Variants in BOP1 observed in about 807,000 individuals in gnomAD.
The protein encoded by BOP1 is BOP1 ribosomal biogenesis factor, also known as ribosome biogenesis protein BOP1.
A neutral mutation model predicts 82.9 loss-of-function variants in BOP1; 54 were observed. That is an observed-to-expected ratio of 0.65 (90% CI 0.52 to 0.82). The LOEUF (loss-of-function observed/expected upper bound fraction) is 0.82, where lower values mean the gene tolerates loss of function less well. Among genes scored for constraint, BOP1 ranks in the 40% least tolerant of loss-of-function variants. The pLI is 0.00. For synonymous variants in BOP1, 566 were observed against 451.1 expected (o/e 1.25, Z -3.23); for missense variants, 1,170 against 1,072.0 (o/e 1.09, Z -1.28).
intron 3 of BOP1, chr8:144,266,910 C>G (rs1845383477): frequency 9.1e-6 from 14 of 1,545,940 alleles, no homozygotes; most frequent in Non-Finnish European, 4.3e-6. Context: ...CGGCGCTGCG[C>G]ACGCTGATCC....
At chr8:144,273,199 A>G (rs1365471739) in intron 3 of BOP1, among the ~76,000 whole-genome samples, 2 of 152,186 alleles carry the variant, frequency 1.3e-5, no homozygotes, top group Non-Finnish European at 2.9e-5. Context: ...GGAGGCCGCC[A>G]GCACTGGAGG....
At chr8:144,273,816 G>A (rs2130233739) in intron 3 of BOP1, among the ~76,000 whole-genome samples, 1 of 150,960 alleles carries the variant, frequency 6.6e-6, no homozygotes, top group African/African-American at 2.5e-5. Flanking sequence ...GCCGGCGGCA[G>A]GACCCCAGCC....
chr8:144,264,461 C>CGG, intron 6 of BOP1, 24 bp from the exon 7 acceptor site: 1 of 1,606,474 alleles, frequency 6.2e-7, no homozygotes, highest in Non-Finnish European at 8.5e-7. Context: ...CGGGTCAGGA[C>CGG]GGGCAGTGCG....
intron 2 of BOP1, among the ~76,000 whole-genome samples, chr8:144,288,347 G>A (rs1554839690): frequency 6.6e-6 from 1 of 151,174 alleles, no homozygotes; most frequent in Non-Finnish European, 1.5e-5. Context: ...GGCCAACACG[G>A]CAAAACCCTG....
At position 144,262,511 on chromosome 8, in the gene BOP1, G is replaced by T. The variant is rs889494720; in HGVS notation, c.1980-8C>A. 1.2e-5 allele frequency: 20 copies of T among 1,612,928 alleles called. No homozygotes were observed. Among genetic ancestry groups the T allele is most frequent in the Non-Finnish European group, 1.6e-5 (19 of 1,179,808 alleles). On this transcript the variant is annotated splice_region_variant and splice_polypyrimidine_tract_variant and intron_variant, in intron 14 of 15. Transcript: ENST00000569669. ...AGAGCCTTCTTGTGGTGTCTGGGGG[G>T]AGGGAACCAGGTTGAAGGCAGGCTC...
Position 144,264,910 on chromosome 8 carries a change from C to T in BOP1, c.545+7G>A. The T allele has an allele frequency of 1.2e-6, 2 of 1,611,064 alleles. No individual in the cohort carries two copies. The highest frequency in any genetic ancestry group is 1.7e-6 in the Non-Finnish European group (2 of 1,179,592). ...CCGGCTGCTGGCCCCACCCCACCAGCCCTCACCAGTAGTCAGGATCGTCCA... is the reference window on the plus strand; with the variant it reads ...CCGGCTGCTGGCCCCACCCCACCAGTCCTCACCAGTAGTCAGGATCGTCCA... On this transcript the variant is annotated splice_region_variant and intron_variant, in intron 4 of 15. Transcript: ENST00000569669.
Position 144,273,010 on chromosome 8 carries a change from C to T in BOP1, c.390+3214G>A, listed in dbSNP as rs1018607474. On this transcript the variant is annotated intron_variant, in intron 3 of 15. Transcript: ENST00000569669. The stretch of plus-strand genomic sequence containing the variant: ...TCGGAGGCAGGCATGCAGGCGGCCG[C>T]GGGGGTGGATGGCCGCCAGGGAGAT... Among the ~76,000 whole-genome samples, 12 of 152,176 alleles carry T rather than the reference C, an allele frequency of 7.9e-5. No homozygotes were observed. The South Asian group carries it at 2.3e-3, about 29-fold the overall frequency.
chr8:144,287,884 C>T (rs545831596), intron 2 of BOP1, among the ~76,000 whole-genome samples: 27 of 152,308 alleles, frequency 1.8e-4, no homozygotes, highest in Middle Eastern at 6.8e-3. Context: ...GCTTCTATCA[C>T]GGGGACCTCT....
intron 2 of BOP1, among the ~76,000 whole-genome samples, chr8:144,283,981 A>G (rs1286863505): frequency 1.3e-5 from 2 of 152,284 alleles, no homozygotes; most frequent in East Asian, 3.9e-4. Flanking sequence ...GCCGGGCGTG[A>G]TGACGGGCGC....
chr8:144,288,559 T>A (rs1039289744), intron 2 of BOP1, among the ~76,000 whole-genome samples: 1 of 152,070 alleles, frequency 6.6e-6, no homozygotes, highest in Non-Finnish European at 1.5e-5. Context: ...AAATAACAAA[T>A]GCTGTGTTTT....
chr8:144,276,137 G>A, intron 3 of BOP1, 87 bp downstream of exon 3: 1 of 1,520,258 alleles, frequency 6.6e-7, no homozygotes, highest in Non-Finnish European at 9.1e-7. Context: ...GCACCCCCAG[G>A]GCAACCCCAG....
chr8:144,272,165 AC>A (rs1488514503), intron 3 of BOP1, among the ~76,000 whole-genome samples: 1 of 150,290 alleles, frequency 6.7e-6, no homozygotes, highest in Non-Finnish European at 1.5e-5. Flanking sequence ...CACCCCAAAC[AC>A]CCCCCACCGA....
intron 3 of BOP1, among the ~76,000 whole-genome samples, chr8:144,270,834 T>A (rs1227430020): frequency 2.6e-5 from 4 of 151,964 alleles, no homozygotes; most frequent in Non-Finnish European, 2.9e-5. Context: ...CAGAGGCAGC[T>A]GGGACGGAAG....
chr8:144,291,312 C>T lies in BOP1; in HGVS notation c.59G>A (p.Arg20Gln). Residue 20 changes from arginine to glutamine, a missense_variant, in exon 1 of 16, where the codon CGG (arginine) becomes CAG (glutamine). Arg to Gln is a conservative substitution (Grantham distance 43). Transcript: ENST00000569669. The surrounding 1 kb of genome is among the most constrained non-coding windows in gnomAD (Gnocchi z 4.1). ...TAAPSVRPEK[R>Q]RSEPELEPEP... ...AGGCTCCAGTTCGGGCTCAGACCGC[C>T]GCTTCTCCGGCCGCACGCTCGGCGC... is the stretch of plus-strand genomic sequence containing the variant. 6.9e-7 allele frequency: 1 copy of T among 1,442,346 alleles called. No individual in the cohort carries two copies. The highest frequency in any genetic ancestry group is 1.5e-5 in the African/African-American group (1 of 67,372). 89.3% of individuals were successfully genotyped at this position (1,442,346 alleles called of 1,614,324 possible).
chr8:144,286,296 T>G (rs537325996), intron 2 of BOP1, among the ~76,000 whole-genome samples: 69 of 151,742 alleles, frequency 4.5e-4, no homozygotes, highest in Non-Finnish European at 9.0e-4. Context: ...AAGGTGCCCC[T>G]CAGCTAAAGC....
Position 144,263,512 on chromosome 8 carries a change from G to T in BOP1, c.1390C>A (p.Pro464Thr). 1 of 1,599,166 alleles carries T rather than the reference G, an allele frequency of 6.3e-7. No homozygotes were observed. The highest frequency in any genetic ancestry group is 8.5e-7 in the Non-Finnish European group (1 of 1,179,694). Residue 464 changes from proline to threonine, a missense_variant, in exon 11 of 16, where the codon CCC (proline) becomes ACC (threonine). By Grantham distance (38) the Pro-to-Thr change is conservative. Coordinates refer to ENST00000569669, the MANE Select transcript of BOP1 (RefSeq NM_015201.5). ...GGVVKSVAWN[P>T]SPAVCLVAAA... is the part of the protein sequence containing the mutation. ...GCCACCAGGCAGACAGCGGGGCTGG[G>T]GTTCCAGGCCACACTCTTCACCACG...
chr8:144,268,534 G>T, intron 3 of BOP1: 1 of 286,178 alleles, frequency 3.5e-6, no homozygotes, highest in South Asian at 4.2e-5. Flanking sequence ...CCAGCCCCCA[G>T]CCTGAGCCTC....
intron 10 of BOP1, 39 bp from the exon 11 acceptor site, chr8:144,263,649 C>T (rs995737224): frequency 1.9e-5 from 31 of 1,603,276 alleles, no homozygotes; most frequent in Non-Finnish European, 2.5e-5. Context: ...CCTGGCCATC[C>T]CACCTGCCCC....
intron 2 of BOP1, among the ~76,000 whole-genome samples, chr8:144,279,968 C>G (rs1167451416): frequency 6.6e-6 from 1 of 152,216 alleles, no homozygotes; most frequent in Non-Finnish European, 1.5e-5. Flanking sequence ...GAGTGTCGAT[C>G]TTCCTCAGGT....
Sources: allele counts gnomAD v4.1 joint callset (sites outside exome capture counted in the v4.1 genomes callset), GRCh38; gene constraint gnomAD v4.1.1; non-coding constraint Gnocchi (gnomAD v3.1); transcripts MANE v1.5; gene names NCBI Gene and HGNC (gene_info 2026-07-23, HGNC 2026-07-21).